SPNS1: variants seen among roughly 807,000 people sequenced by gnomAD.
The protein encoded by SPNS1 is SPNS lysolipid transporter 1, lysophospholipid.
A neutral mutation model predicts 50.3 loss-of-function variants in SPNS1; 22 were observed. That is an observed-to-expected ratio of 0.44 (90% CI 0.31 to 0.62). The LOEUF is 0.62. SPNS1 is among the 20% of genes least tolerant of loss of function. The pLI, the probability that SPNS1 is intolerant of heterozygous loss-of-function variation, is 0.07. For synonymous variants in SPNS1, 295 were observed against 317.4 expected, an observed-to-expected ratio of 0.93 and a Z score of 0.75; for missense variants, 576 against 728.6, an observed-to-expected ratio of 0.79 and a Z score of 2.41.
At chr16:28,982,275 T>C in intron 7 of SPNS1, 81 bp from the exon 8 acceptor site, 1 of 1,472,340 alleles carries the variant, frequency 6.8e-7, no homozygotes, top group East Asian at 2.3e-5. Context: ...GGACCTTGGT[T>C]GTGAGGGTGG....
rs1965306606 is a variant in SPNS1, at chr16:28,975,377, C to CGCTT, written c.227_230dup (p.Phe77LeufsTer21). On this transcript the variant is annotated frameshift_variant, in exon 1 of 12. Transcript: ENST00000311008. LOFTEE classifies it high-confidence loss of function. Reference sequence around the variant, plus strand: ...CATCAATCTCCTGAACTACATGGACCGCTTCACCGTGGCTGGTAGGGACTC... The same window carrying CGCTT: ...CATCAATCTCCTGAACTACATGGACCGCTTGCTTCACCGTGGCTGGTAGGGACTC... 1.9e-6 allele frequency: 3 copies of CGCTT among 1,609,060 alleles called. No individual in the cohort carries two copies. Among genetic ancestry groups the CGCTT allele is most frequent in the Non-Finnish European group, 2.5e-6 (3 of 1,176,760 alleles).
At chr16:28,982,311 G>A in intron 7 of SPNS1, 45 bp from the exon 8 acceptor site, 1 of 1,514,614 alleles carries the variant, frequency 6.6e-7, no homozygotes. Flanking sequence ...TAGGGGCCTT[G>A]GCAGGCACAG....
chr16:28,981,323 C>T lies in SPNS1; in HGVS notation c.664-147C>T, dbSNP rs1965543424. On this transcript the variant is annotated intron_variant, in intron 5 of 11. Transcript: ENST00000311008. This position sits in a 1 kb window ranked among gnomAD's most constrained non-coding sequence, Gnocchi z 4.2. ...GCCCCTAGTGGCAGCCCCCTTCCCC[C>T]AGATTGCAGGTTCGGCTTCTTGGAG... 9.7e-7 allele frequency: 1 copy of T among 1,033,636 alleles called. No homozygotes were observed. The highest frequency in any genetic ancestry group is 2.7e-5 in the East Asian group (1 of 37,714). The allele number at this position is 1,033,636 out of a possible 1,614,324, so 64.0% of individuals were successfully genotyped here.
At position 28,981,633 on chromosome 16, in the gene SPNS1, C is replaced by G. The variant is rs1256751451; in HGVS notation, c.809+18C>G. On this transcript the variant is annotated intron_variant, in intron 6 of 11. Transcript: ENST00000311008. The surrounding 1 kb of genome is among the most constrained non-coding windows in gnomAD (Gnocchi z 4.2). The stretch of plus-strand genomic sequence containing the variant: ...GCAAGAAAGTGAGTTTATTCCCACC[C>G]TAGACCACCATCTGAGGCCCCCTGG... 1 of 1,611,500 alleles carries G rather than the reference C, an allele frequency of 6.2e-7. No homozygotes were observed. Among genetic ancestry groups the G allele is most frequent in the Non-Finnish European group, 8.5e-7 (1 of 1,178,070 alleles).
Position 28,977,312 on chromosome 16 carries a change from TAAAAAAAAAAA to T in SPNS1, c.308-585_308-575del, listed in dbSNP as rs11297402. Among the ~76,000 whole-genome samples, 8 of 125,670 alleles carry T rather than the reference TAAAAAAAAAAA, an allele frequency of 6.4e-5. No individual in the cohort carries two copies. In the South Asian group the frequency reaches 2.0e-3, roughly 32 times the overall value. 82.4% of individuals were successfully genotyped at this position (125,670 alleles called of 152,430 possible). A position where few individuals can be genotyped will look rare whatever the true frequency, so the allele number is the denominator to read the frequency against. On this transcript the variant is annotated intron_variant, in intron 2 of 11. Coordinates refer to ENST00000311008, the MANE Select transcript of SPNS1 (RefSeq NM_032038.3). Reference sequence around the variant, plus strand: ...CCTGACAACAGAGCGAGACTTCGTTTAAAAAAAAAAAAAAAAAAAAAGAGAAAAAAGTAAAT... The same window carrying T: ...CCTGACAACAGAGCGAGACTTCGTTTAAAAAAAAAAGAGAAAAAAGTAAAT...
chr16:28,974,817 C>T lies in SPNS1; in HGVS notation c.-335C>T, dbSNP rs558824901. 2.0e-6 allele frequency: 3 copies of T among 1,535,722 alleles called. No individual in the cohort carries two copies. Among genetic ancestry groups the T allele is most frequent in the African/African-American group, 1.4e-5 (1 of 73,168 alleles). The stretch of plus-strand genomic sequence containing the variant: ...AAGCAACATGGCGGCTGCCGTGGTG[C>T]AGCGCCCGGGCTGAGCGACAGCAAG... On this transcript the variant is annotated 5_prime_UTR_variant, in exon 1 of 12. The change creates a premature stop within an existing upstream ORF in the 5' untranslated region. Transcript: ENST00000311008.
chr16:28,980,852 T>G (rs1169954027), intron 5 of SPNS1, among the ~76,000 whole-genome samples: 1 of 148,876 alleles, frequency 6.7e-6, no homozygotes, highest in African/African-American at 2.6e-5. Context: ...AGACTCTGTC[T>G]CGAAAACAAA....
At position 28,984,198 on chromosome 16, in the gene SPNS1, C is replaced by T. The variant is rs558682145; in HGVS notation, c.1493-7C>T. The stretch of plus-strand genomic sequence containing the variant: ...AGCTCACCCTGGCTCTGACCCTCCC[C>T]CCTCAGGCCTGCTGCACGAAGCAGG... On this transcript the variant is annotated splice_polypyrimidine_tract_variant and splice_region_variant and intron_variant, in intron 11 of 11. Transcript: ENST00000311008. 9 of 1,556,224 alleles carry T rather than the reference C, an allele frequency of 5.8e-6. No individual in the cohort carries two copies. The East Asian group carries it at 1.6e-4, about 27-fold the overall frequency.
In SPNS1 at chr16:28,978,105, T is replaced by TCA. The variant is rs2141666187; in HGVS notation, c.444+61_444+62insCA. 1.9e-6 allele frequency: 3 copies of TCA among 1,583,316 alleles called. No individual in the cohort carries two copies. In the African/African-American group the frequency reaches 4.0e-5, roughly 21 times the overall value. ...CCCCCTCCCTGTCAGTCTCTGCTGC[T>TCA]GCTCCTTGGAGCTATGGCAGACTGG... On this transcript the variant is annotated intron_variant, in intron 3 of 11. Coordinates refer to ENST00000311008, the MANE Select transcript of SPNS1 (RefSeq NM_032038.3).
At chr16:28,979,799 G>T (rs1965478595) in intron 5 of SPNS1, 1 of 294,800 alleles carries the variant, frequency 3.4e-6, no homozygotes, top group Non-Finnish European at 6.7e-6. Context: ...GAGGCAGGTG[G>T]ATCACTTGAG....
At chr16:28,984,735 C>CCCT (rs1175568823), downstream of SPNS1, 3 of 847,592 alleles carry the variant, frequency 3.5e-6, no homozygotes, top group Admixed American at 4.2e-5. Flanking sequence ...TGAGTCACGC[C>CCCT]CCTGCTTCCC....
Position 28,984,513 on chromosome 16 carries a change from T to G in SPNS1, c.*214T>G. On this transcript the variant is annotated 3_prime_UTR_variant, in exon 12 of 12. Coordinates refer to ENST00000311008, the MANE Select transcript of SPNS1 (RefSeq NM_032038.3). ...AGGGGCAGCCCCAAGGGCTCGGTGC[T>G]ATTTGTAACGGAATAAAATTTGTAG... 1.5e-6 allele frequency: 1 copy of G among 652,710 alleles called. No individual in the cohort carries two copies. The allele number at this position is 652,710 out of a possible 1,614,324, so 40.4% of individuals were successfully genotyped here. A position where few individuals can be genotyped will look rare whatever the true frequency, so the allele number is the denominator to read the frequency against.
chr16:28,982,642 T>C, intron 8 of SPNS1, 97 bp downstream of exon 8: 2 of 1,403,510 alleles, frequency 1.4e-6, no homozygotes, highest in Middle Eastern at 1.9e-4. Context: ...TGGTTTTGAA[T>C]CACAGCTCTG....
In SPNS1 at chr16:28,983,979, G is replaced by T. The variant is rs756153037; in HGVS notation, c.1492+22G>T. 2.6e-6 allele frequency: 4 copies of T among 1,533,790 alleles called. No homozygotes were observed. The highest frequency in any genetic ancestry group is 2.3e-5 in the East Asian group (1 of 44,084). On this transcript the variant is annotated intron_variant, in intron 11 of 11. Coordinates refer to ENST00000311008, the MANE Select transcript of SPNS1 (RefSeq NM_032038.3). This position sits in a 1 kb window ranked among gnomAD's most constrained non-coding sequence, Gnocchi z 5.4. ...CAGGGTCAGTTAGGAGCTGTGCCCG[G>T]CCCAGCTTCTTGATCTGCCTGTCTG...
intron 8 of SPNS1, 32 bp downstream of exon 8, chr16:28,982,577 C>T (rs751775872): frequency 2.3e-5 from 36 of 1,578,120 alleles, no homozygotes; most frequent in Non-Finnish European, 3.0e-5. Context: ...AGGGGGATGG[C>T]GTGGGTCCAG....
chr16:28,982,214 A>C (rs1302225989), intron 7 of SPNS1, 142 bp from the exon 8 acceptor site: 2 of 1,346,272 alleles, frequency 1.5e-6, no homozygotes, highest in Admixed American at 4.1e-5. Context: ...AAGTGATGGG[A>C]TGATGTCTGC....
At position 28,981,491 on chromosome 16, in the gene SPNS1, G is replaced by T. The variant is rs1178723435; in HGVS notation, c.685G>T (p.Val229Leu). 6.2e-7 allele frequency: 1 copy of T among 1,614,122 alleles called. No individual in the cohort carries two copies. Among genetic ancestry groups the T allele is most frequent in the Non-Finnish European group, 8.5e-7 (1 of 1,180,014 alleles). ...CCAGGTGACACCGGGTCTAGGAGTG[G>T]TGGCCGTTCTGCTGCTGTTCCTGGT... Reference protein sequence around the residue: ...ALRVTPGLGVVAVLLLFLVVR... With the variant: ...ALRVTPGLGVLAVLLLFLVVR... Residue 229 changes from valine (V) to leucine (L), a missense_variant, in exon 6 of 12, where the codon GTG (valine) becomes TTG (leucine). This residue lies in a region of SPNS1 where 428 missense variants were observed against 520.1 expected (regional missense o/e 0.82). Transcript: ENST00000311008. This position sits in a 1 kb window ranked among gnomAD's most constrained non-coding sequence, Gnocchi z 4.2.
In SPNS1 at chr16:28,975,573, T is replaced by C. The variant is rs755254979; in HGVS notation, c.307+16T>C. 6.2e-7 allele frequency: 1 copy of C among 1,613,744 alleles called. No homozygotes were observed. Among genetic ancestry groups the C allele is most frequent in the Non-Finnish European group, 8.5e-7 (1 of 1,179,760 alleles). Reference sequence around the variant, plus strand: ...ATCCAGACCGGTGAGTGGGGACCACTCCTGGTCACACAGCCGCTCCTCCTT... The same window carrying C: ...ATCCAGACCGGTGAGTGGGGACCACCCCTGGTCACACAGCCGCTCCTCCTT... On this transcript the variant is annotated intron_variant, in intron 2 of 11. Transcript: ENST00000311008.
At position 28,983,769 on chromosome 16, in the gene SPNS1, G is replaced by A. The variant is rs368195802; in HGVS notation, c.1321-17G>A. 1 of 1,562,234 alleles carries A rather than the reference G, an allele frequency of 6.4e-7. No homozygotes were observed. Among genetic ancestry groups the A allele is most frequent in the Non-Finnish European group, 8.7e-7 (1 of 1,155,370 alleles). ...TGAGGCTGACTCCCCTGGCTTTCCT[G>A]TCTCCTCTCCCTGCAGATCTCTGAC... On this transcript the variant is annotated splice_polypyrimidine_tract_variant and intron_variant, in intron 10 of 11. Coordinates refer to ENST00000311008, the MANE Select transcript of SPNS1 (RefSeq NM_032038.3). This position sits in a 1 kb window ranked among gnomAD's most constrained non-coding sequence, Gnocchi z 5.4.
Sources: allele counts gnomAD v4.1 joint callset (sites outside exome capture counted in the v4.1 genomes callset), GRCh38; gene constraint gnomAD v4.1.1; regional missense constraint gnomAD v4.1.1; non-coding constraint Gnocchi (gnomAD v3.1); transcripts MANE v1.5; gene names NCBI Gene and HGNC (gene_info 2026-07-23, HGNC 2026-07-21).